The following RYR2 variants were observed in gnomAD, a reference collection of about 807,000 sequenced individuals.
RYR2 encodes ryanodine receptor 2, also known as cardiac muscle ryanodine receptor-calcium release channel.
RYR2 carries 227 observed loss-of-function variants against 601.1 expected under a neutral mutation model. The observed-to-expected ratio is 0.38, with a 90% CI of 0.34 to 0.42. The LOEUF is 0.42. Ranked by LOEUF, RYR2 falls within the 10% of genes least tolerant of loss-of-function variation. RYR2 has a pLI of 1.00. For synonymous variants in RYR2, 2,223 were observed against 2,175.1 expected (o/e 1.02, Z -0.61); for missense variants, 4,646 against 6,156.5 (o/e 0.75, Z 8.21).
chr1:237,430,821 CT>C (rs1207451346), intron 12 of RYR2, among the ~76,000 whole-genome samples: 14 of 152,074 alleles, frequency 9.2e-5, no homozygotes, highest in African/African-American at 3.1e-4. Context: ...CTTTTGAAAC[CT>C]TTTTCTCTGA....
intron 1 of RYR2, among the ~76,000 whole-genome samples, chr1:237,253,927 A>G (rs191591892): frequency 7.2e-5 from 11 of 152,370 alleles, no homozygotes; most frequent in Middle Eastern, 6.8e-3. Context: ...GGCCAATTAC[A>G]GAGATAAATT....
intron 9 of RYR2, among the ~76,000 whole-genome samples, chr1:237,387,874 C>T (rs1702066381): frequency 6.6e-6 from 1 of 152,160 alleles, no homozygotes; most frequent in Non-Finnish European, 1.5e-5. Context: ...TGAGGTCATG[C>T]TTTTAGTGGG....
chr1:237,173,918 G>A (rs139142622), intron 1 of RYR2, among the ~76,000 whole-genome samples: 5 of 152,074 alleles, frequency 3.3e-5, no homozygotes, highest in South Asian at 2.1e-4. Flanking sequence ...TTAGCCTGGC[G>A]TGGTGGCGGG....
intron 46 of RYR2, 108 bp downstream of exon 46, chr1:237,639,309 G>A: frequency 1.9e-6 from 2 of 1,070,446 alleles, no homozygotes; most frequent in South Asian, 4.5e-5. Flanking sequence ...TGGTACAGAA[G>A]ATTTCTCCCT....
intron 10 of RYR2, among the ~76,000 whole-genome samples, chr1:237,403,162 A>G (rs1452648337): frequency 6.6e-6 from 1 of 152,172 alleles, no homozygotes; most frequent in Non-Finnish European, 1.5e-5. Flanking sequence ...TTGACTAACT[A>G]TATTAAGCTA....
At chr1:237,764,496 T>G (rs1034407862) in intron 84 of RYR2, among the ~76,000 whole-genome samples, 6 of 148,622 alleles carry the variant, frequency 4.0e-5, no homozygotes, top group Non-Finnish European at 8.9e-5. Context: ...TCGCCCAGGC[T>G]GGAGTGCAGT....
chr1:237,581,343 T>C (rs1056534969), intron 29 of RYR2, among the ~76,000 whole-genome samples: 2 of 152,170 alleles, frequency 1.3e-5, no homozygotes, highest in African/African-American at 4.8e-5. Flanking sequence ...TTTGAGTCTG[T>C]ATTTGCCACC....
intron 1 of RYR2, among the ~76,000 whole-genome samples, chr1:237,195,365 T>A (rs974578676): frequency 6.6e-6 from 1 of 152,238 alleles, no homozygotes; most frequent in Non-Finnish European, 1.5e-5. Flanking sequence ...GTGATTCTCC[T>A]GCCTCAGCCT....
intron 17 of RYR2, among the ~76,000 whole-genome samples, chr1:237,482,362 T>C (rs1470735750): frequency 1.3e-5 from 2 of 152,144 alleles, no homozygotes; most frequent in Non-Finnish European, 2.9e-5. Flanking sequence ...CCCACTACCC[T>C]TCCCAGCCTC....
At chr1:237,466,356 C>T (rs551434657) in intron 16 of RYR2, among the ~76,000 whole-genome samples, 1 of 152,124 alleles carries the variant, frequency 6.6e-6, no homozygotes, top group African/African-American at 2.4e-5. Flanking sequence ...TTTGCACAGA[C>T]TGGGTCATGC....
At chr1:237,799,068 T>C (rs1216016666) in intron 97 of RYR2, among the ~76,000 whole-genome samples, 1 of 152,216 alleles carries the variant, frequency 6.6e-6, no homozygotes, top group African/African-American at 2.4e-5. Flanking sequence ...GCCTATCTCA[T>C]TGGTCATATT....
At chr1:237,329,561 G>T (rs1164713571) in intron 2 of RYR2, among the ~76,000 whole-genome samples, 3 of 151,584 alleles carry the variant, frequency 2.0e-5, no homozygotes, top group Admixed American at 6.6e-5. Context: ...AGAATTGCTT[G>T]ACTCCAGGAG....
chr1:237,081,302 A>C (rs1665610119), intron 1 of RYR2, among the ~76,000 whole-genome samples: 2 of 149,142 alleles, frequency 1.3e-5, no homozygotes, highest in Non-Finnish European at 3.0e-5. Context: ...AAAAAAAAAA[A>C]AGAAAGTCAA....
At chr1:237,054,157 T>C (rs1438811752) in intron 1 of RYR2, among the ~76,000 whole-genome samples, 1 of 151,904 alleles carries the variant, frequency 6.6e-6, no homozygotes, top group Non-Finnish European at 1.5e-5. Flanking sequence ...AGCCCTTCTT[T>C]CTCCTTCCTC....
chr1:237,054,909 A>T (rs1206575932), intron 1 of RYR2, among the ~76,000 whole-genome samples: 1 of 152,054 alleles, frequency 6.6e-6, no homozygotes, highest in African/African-American at 2.4e-5. Context: ...CCCCAGGGCC[A>T]CTTTCCAGTC....
In RYR2 at chr1:237,524,230, G is replaced by C. The variant is rs184410053; in HGVS notation, c.2823-6197G>C. ...ATGGCATATTATTCAGCAATAAAAG[G>C]AAACAAACTACTGCCACAGACTCCA... On this transcript the variant is annotated intron_variant, in intron 24 of 104. Transcript: ENST00000366574. Among the ~76,000 whole-genome samples, 746 of 152,276 alleles carry C rather than the reference G, an allele frequency of 4.9e-3. 5 individuals are homozygous for C. The highest frequency in any genetic ancestry group is 0.027 in the Middle Eastern group (8 of 294).
intron 14 of RYR2, among the ~76,000 whole-genome samples, chr1:237,448,353 G>A (rs190896990): frequency 6.8e-4 from 103 of 152,176 alleles, no homozygotes; most frequent in African/African-American, 2.4e-3. Flanking sequence ...TGCCATTATG[G>A]TCAGAGAATA....
At chr1:237,239,944 A>T (rs962284634) in intron 1 of RYR2, among the ~76,000 whole-genome samples, 1 of 152,222 alleles carries the variant, frequency 6.6e-6, no homozygotes, top group Non-Finnish European at 1.5e-5. Context: ...GGAGGGAAGA[A>T]GTTTGGATAA....
chr1:237,224,359 G>A (rs1684133531), intron 1 of RYR2, among the ~76,000 whole-genome samples: 1 of 152,162 alleles, frequency 6.6e-6, no homozygotes, highest in Non-Finnish European at 1.5e-5. Context: ...AGGTTTCCAG[G>A]CAACAGTAGG....
Sources: gnomAD v4.1 joint callset for allele counts (sites outside exome capture counted in the v4.1 genomes callset) on GRCh38, gnomAD v4.1.1 for gene constraint, MANE v1.5 for transcripts, NCBI Gene and HGNC (gene_info 2026-07-23, HGNC 2026-07-21) for gene names.